Variants in DMD observed in about 807,000 individuals in gnomAD.
DMD encodes mutant dystrophin.
A neutral mutation model predicts 330.1 loss-of-function variants in DMD; 63 were observed. The observed-to-expected ratio is 0.19, with a 90% CI of 0.16 to 0.24. The LOEUF (loss-of-function observed/expected upper bound fraction) is 0.24. Among genes scored for constraint, DMD ranks in the 10% least tolerant of loss-of-function variants. The pLI is 1.00. For synonymous variants in DMD, 1,223 were observed against 959.8 expected (o/e 1.27, Z -5.07); for missense variants, 3,344 against 2,684.1 (o/e 1.25, Z -5.43).
At chrX:32,293,377 A>G (rs1184140338) in intron 42 of DMD, among the ~76,000 whole-genome samples, 1 of 111,570 alleles carries the variant, frequency 9.0e-6, no homozygotes, top group Non-Finnish European at 1.9e-5. Context: ...GAGGAAGGAG[A>G]TGAGTATCCC....
chrX:31,135,606 A>G (rs1055989603), intron 76 of DMD, among the ~76,000 whole-genome samples: 1 of 112,348 alleles, frequency 8.9e-6, no homozygotes, highest in East Asian at 2.8e-4. Flanking sequence ...CTCCTTGTAG[A>G]TTTTGTGAAT....
chrX:32,342,435 C>T (rs1285409164), intron 40 of DMD, among the ~76,000 whole-genome samples, 153 bp from the exon 41 acceptor site: 1 of 112,155 alleles, frequency 8.9e-6, no homozygotes, highest in Non-Finnish European at 1.9e-5. Flanking sequence ...TGACTGTCAT[C>T]CTCGCTCAAT....
chrX:33,234,004 T>C (rs762325348), intron 1 of DMD, among the ~76,000 whole-genome samples: 2 of 111,568 alleles, frequency 1.8e-5, no homozygotes, highest in South Asian at 7.5e-4. Flanking sequence ...TGTTTAACTT[T>C]TAAAAAGTTT....
At chrX:32,398,272 C>G (rs755770539) in intron 30 of DMD, among the ~76,000 whole-genome samples, 7 of 99,392 alleles carry the variant, frequency 7.0e-5, no homozygotes, top group South Asian at 6.2e-4. Context: ...AACCCCCCCC[C>G]CCAAGTAGAG....
At chrX:32,910,692 C>T (rs913073806) in intron 2 of DMD, among the ~76,000 whole-genome samples, 2 of 111,734 alleles carry the variant, frequency 1.8e-5, no homozygotes, top group Non-Finnish European at 3.8e-5. Flanking sequence ...CCGCCTGCCT[C>T]GGCCCCCCAA....
chrX:32,584,920 A>C (rs955889818), intron 13 of DMD, among the ~76,000 whole-genome samples: 5 of 111,512 alleles, frequency 4.5e-5, no homozygotes, highest in Non-Finnish European at 7.5e-5. Flanking sequence ...CTTCAATTTA[A>C]AAAGTACCAT....
chrX:32,505,097 G>C (rs1273848979), intron 18 of DMD, among the ~76,000 whole-genome samples: 1 of 111,040 alleles, frequency 9.0e-6, no homozygotes, highest in Non-Finnish European at 1.9e-5. Context: ...AAACAGAGGT[G>C]ACTTTGAGTT....
rs749557944 is a variant in DMD at position 33,154,864 on chromosome X, G to A, written c.31+56418C>T. On this transcript the variant is annotated intron_variant, in intron 1 of 78. Transcript: ENST00000357033. Reference sequence around the variant, plus strand: ...GAATTACTCATGTACAGAGTAAAAGGTTATTTTCCTCACCTCCTACTTAGC... The same window carrying A: ...GAATTACTCATGTACAGAGTAAAAGATTATTTTCCTCACCTCCTACTTAGC... 3.6e-5 allele frequency among the ~76,000 whole-genome samples: 4 copies of A among 111,980 alleles called. No individual in the cohort carries two copies. The South Asian group carries it at 1.5e-3, about 41-fold the overall frequency.
chrX:33,113,616 G>T (rs767204571), intron 1 of DMD, among the ~76,000 whole-genome samples: 5 of 104,601 alleles, frequency 4.8e-5, no homozygotes, highest in African/African-American at 1.8e-4. Context: ...AAATCTTCTA[G>T]CAACTGTTGT....
intron 45 of DMD, among the ~76,000 whole-genome samples, chrX:31,951,133 ATATATATGTG>A (rs1408064131): frequency 1.1e-4 from 9 of 80,582 alleles, no homozygotes; most frequent in African/African-American, 4.4e-4. Context: ...ATATATATAT[ATATATATGTG>A]TATATATATA....
intron 52 of DMD, among the ~76,000 whole-genome samples, chrX:31,687,432 C>A (rs1398820679): frequency 6.3e-5 from 7 of 110,735 alleles, no homozygotes; most frequent in African/African-American, 2.3e-4. Flanking sequence ...CAGAGGGGAG[C>A]CCAAGGCCCT....
At chrX:32,927,892 A>T (rs2089215325) in intron 2 of DMD, among the ~76,000 whole-genome samples, 1 of 111,156 alleles carries the variant, frequency 9.0e-6, no homozygotes, top group Admixed American at 9.6e-5. Flanking sequence ...AAAATGCAGC[A>T]TGTATATAAA....
At chrX:32,106,965 T>G (rs950797095) in intron 44 of DMD, among the ~76,000 whole-genome samples, 1 of 112,228 alleles carries the variant, frequency 8.9e-6, no homozygotes, top group Admixed American at 9.5e-5. Flanking sequence ...GCCATCTTTT[T>G]CAAGCTCTGC....
chrX:33,013,124 A>G (rs2093731521), intron 2 of DMD, among the ~76,000 whole-genome samples: 1 of 110,529 alleles, frequency 9.0e-6, no homozygotes, highest in African/African-American at 3.3e-5. Context: ...TTTTGTCCCA[A>G]CAATAATAGG....
intron 33 of DMD, among the ~76,000 whole-genome samples, chrX:32,385,748 G>A (rs959052842): frequency 1.3e-4 from 14 of 110,418 alleles, no homozygotes; most frequent in Admixed American, 9.7e-4. Flanking sequence ...TTACAGAGAC[G>A]TAGGTCTTAA....
At chrX:32,383,993 A>G (rs2097941915) in intron 33 of DMD, among the ~76,000 whole-genome samples, 1 of 110,562 alleles carries the variant, frequency 9.0e-6, no homozygotes, top group Admixed American at 9.7e-5. Context: ...ACCAAAACAT[A>G]TATTTTCTTA....
chrX:32,385,212 T>C (rs977428616), intron 33 of DMD, among the ~76,000 whole-genome samples: 7 of 110,609 alleles, frequency 6.3e-5, no homozygotes, highest in African/African-American at 2.3e-4. Flanking sequence ...AACAGACATA[T>C]AGACCAAAGG....
intron 1 of DMD, among the ~76,000 whole-genome samples, chrX:33,199,668 G>A (rs1362000186): frequency 1.8e-5 from 2 of 111,239 alleles, no homozygotes; most frequent in Non-Finnish European, 3.8e-5. Context: ...GATCGAGGAA[G>A]AGATCATTAT....
intron 7 of DMD, among the ~76,000 whole-genome samples, chrX:32,768,374 T>A (rs2073237262): frequency 8.9e-6 from 1 of 111,845 alleles, no homozygotes; most frequent in African/African-American, 3.2e-5. Context: ...CGTTAGATAT[T>A]TCTGATACAA....
Sources: gnomAD v4.1 joint callset for allele counts (sites outside exome capture counted in the v4.1 genomes callset) on GRCh38, gnomAD v4.1.1 for gene constraint, MANE v1.5 for transcripts, NCBI Gene and HGNC (gene_info 2026-07-23, HGNC 2026-07-21) for gene names.